Variants in CDH20 observed in about 807,000 individuals in gnomAD.
CDH20 encodes the protein cadherin 20.
In CDH20, 29 loss-of-function variants were observed where a neutral mutation model predicts 74.2. That is an observed-to-expected ratio of 0.39 (90% confidence interval 0.29 to 0.53). The LOEUF (loss-of-function observed/expected upper bound fraction) is 0.53. Among genes scored for constraint, CDH20 ranks in the 20% least tolerant of loss-of-function variants. CDH20 has a pLI of 0.69. For missense variants in CDH20, 988 were observed against 1,048.3 expected (o/e 0.94, Z 0.79); for synonymous variants, 469 against 405.4 (o/e 1.16, Z -1.88).
intron 9 of CDH20, 132 bp from the exon 10 acceptor site, chr18:61,544,893 CCT>C (rs1000546836): frequency 1.5e-6 from 1 of 667,944 alleles, no homozygotes; most frequent in African/African-American, 1.8e-5. Flanking sequence ...TTTCCCTGCC[CCT>C]CTCCCATACC....
Position 61,528,097 on chromosome 18 carries a change from T to C in CDH20, c.1148T>C (p.Val383Ala). ...ACAGTGCACATCAGTGTGGAAGACG[T>C]GGACGAGCCCCCTGTGTTTGAACCT... ...TTTVHISVED[V>A]DEPPVFEPGF... is the part of the protein sequence containing the mutation. Residue 383 changes from valine (V) to alanine (A), a missense_variant, in exon 7 of 12, where the codon GTG (valine) becomes GCG (alanine). This residue lies in a region of CDH20 where 613 missense variants were observed against 755.2 expected (regional missense o/e 0.81). Transcript: ENST00000262717. The C allele has an allele frequency of 6.2e-7, 1 of 1,614,180 alleles. No individual in the cohort carries two copies. The highest frequency in any genetic ancestry group is 8.5e-7 in the Non-Finnish European group (1 of 1,180,016).
intron 1 of CDH20, among the ~76,000 whole-genome samples, chr18:61,397,504 C>G (rs1426969950): frequency 1.3e-5 from 2 of 152,154 alleles, no homozygotes; most frequent in Non-Finnish European, 2.9e-5. Flanking sequence ...AACCCTGCCT[C>G]CATGTAAATG....
intron 2 of CDH20, among the ~76,000 whole-genome samples, chr18:61,496,418 C>T (rs917172057): frequency 3.3e-5 from 5 of 151,056 alleles, no homozygotes; most frequent in Admixed American, 1.3e-4. Flanking sequence ...ACCATCCATA[C>T]GGAACTTTCG....
chr18:61,552,654 C>T (rs564063141), intron 11 of CDH20, among the ~76,000 whole-genome samples: 1 of 152,188 alleles, frequency 6.6e-6, no homozygotes, highest in African/African-American at 2.4e-5. Flanking sequence ...GTGGCTCTAA[C>T]AGCCCTTATC....
chr18:61,466,793 C>A (rs1197359526), intron 1 of CDH20, among the ~76,000 whole-genome samples: 1 of 152,210 alleles, frequency 6.6e-6, no homozygotes, highest in African/African-American at 2.4e-5. Flanking sequence ...AATCCACACA[C>A]AGGAGTTTGG....
At chr18:61,369,146 T>C (rs1008899580) in intron 1 of CDH20, among the ~76,000 whole-genome samples, 5 of 151,690 alleles carry the variant, frequency 3.3e-5, no homozygotes, top group Non-Finnish European at 7.4e-5. Context: ...ATCCGGTGGA[T>C]ATGTATATTT....
chr18:61,458,310 A>G (rs1026478363), intron 1 of CDH20, among the ~76,000 whole-genome samples: 27 of 152,228 alleles, frequency 1.8e-4, no homozygotes, highest in Admixed American at 1.3e-4. Context: ...TGTTCTAAAA[A>G]GAACTCCAAA....
At chr18:61,398,111 T>C (rs935324772) in intron 1 of CDH20, among the ~76,000 whole-genome samples, 2 of 152,184 alleles carry the variant, frequency 1.3e-5, no homozygotes, top group African/African-American at 4.8e-5. Context: ...ACCAACTAAC[T>C]ACATCCCTAG....
intron 1 of CDH20, among the ~76,000 whole-genome samples, chr18:61,454,258 G>A (rs1228816309): frequency 4.6e-5 from 7 of 152,062 alleles, no homozygotes; most frequent in Non-Finnish European, 7.4e-5. Flanking sequence ...GTTAGCTTAT[G>A]TATCTTATTT....
At chr18:61,499,861 G>A (rs1326773635) in intron 3 of CDH20, among the ~76,000 whole-genome samples, 1 of 152,122 alleles carries the variant, frequency 6.6e-6, no homozygotes, top group African/African-American at 2.4e-5. Context: ...TTGGGAGGCT[G>A]AGGCAGGTGG....
intron 1 of CDH20, among the ~76,000 whole-genome samples, chr18:61,398,361 A>G (rs1489210900): frequency 6.6e-6 from 1 of 152,204 alleles, no homozygotes; most frequent in Admixed American, 6.5e-5. Context: ...GTATCAATTT[A>G]ATTATGGTCT....
At chr18:61,491,181 T>G (rs1379504414) in intron 2 of CDH20, among the ~76,000 whole-genome samples, 3 of 152,072 alleles carry the variant, frequency 2.0e-5, no homozygotes, top group Non-Finnish European at 4.4e-5. Flanking sequence ...TTTGTGGGGT[T>G]TTTTTCAGAG....
At position 61,472,443 on chromosome 18, in the gene CDH20, G is replaced by A. The variant is rs1056443282; in HGVS notation, c.-152-17959G>A. 1.1e-4 allele frequency among the ~76,000 whole-genome samples: 16 copies of A among 152,142 alleles called. 2 individuals are homozygous for A. In the South Asian group the frequency reaches 2.7e-3, roughly 26 times the overall value. ...GACTAATCTGGAACTGGCAAAAGGA[G>A]GGCCACTTTAAGTTGTCCTGACATA... is the stretch of plus-strand genomic sequence containing the variant. On this transcript the variant is annotated intron_variant, in intron 1 of 11. Coordinates refer to ENST00000262717, the MANE Select transcript of CDH20 (RefSeq NM_031891.4).
chr18:61,552,485 G>C (rs1473742532), intron 11 of CDH20, among the ~76,000 whole-genome samples: 1 of 151,586 alleles, frequency 6.6e-6, no homozygotes, highest in Non-Finnish European at 1.5e-5. Context: ...ATGACCATCA[G>C]AATTCTCTCC....
chr18:61,542,891 GAACTC>G (rs1331178876), intron 9 of CDH20, among the ~76,000 whole-genome samples: 11 of 152,136 alleles, frequency 7.2e-5, no homozygotes, highest in East Asian at 1.9e-4. Context: ...AAGAGAGTAA[GAACTC>G]AACTCATCAC....
intron 1 of CDH20, among the ~76,000 whole-genome samples, chr18:61,476,700 A>G (rs1000040628): frequency 4.6e-5 from 7 of 152,114 alleles, no homozygotes; most frequent in African/African-American, 1.4e-4. Flanking sequence ...CTGGTTTCTG[A>G]TGCACTTGAA....
At chr18:61,495,491 G>T (rs948351139) in intron 2 of CDH20, among the ~76,000 whole-genome samples, 5 of 152,176 alleles carry the variant, frequency 3.3e-5, no homozygotes, top group African/African-American at 1.2e-4. Flanking sequence ...CTGCCTGCCG[G>T]TAGAAGGTAC....
chr18:61,523,323 C>G (rs1001956013), intron 6 of CDH20, among the ~76,000 whole-genome samples: 2 of 152,210 alleles, frequency 1.3e-5, no homozygotes, highest in South Asian at 2.1e-4. Context: ...AATAGCTCAT[C>G]ATCACTGGTC....
At chr18:61,516,572 T>G (rs958082654) in intron 6 of CDH20, among the ~76,000 whole-genome samples, 2 of 152,232 alleles carry the variant, frequency 1.3e-5, no homozygotes, top group Non-Finnish European at 2.9e-5. Context: ...TTGTATCCTC[T>G]AACTTGAAGA....
Sources: gnomAD v4.1 joint callset for allele counts (sites outside exome capture counted in the v4.1 genomes callset) on GRCh38, gnomAD v4.1.1 for gene constraint, gnomAD v4.1.1 regional missense constraint, MANE v1.5 for transcripts, NCBI Gene and HGNC (gene_info 2026-07-23, HGNC 2026-07-21) for gene names.